SGMS1: variants seen among roughly 807,000 people sequenced by gnomAD.
The protein encoded by SGMS1 is phosphatidylcholine:ceramide cholinephosphotransferase 1.
Under a neutral mutation model 46.2 loss-of-function variants are expected in SGMS1, and 13 were observed. The ratio of observed to expected loss-of-function variants is 0.28; its 90% CI spans 0.18 to 0.45. SGMS1 has a LOEUF of 0.45. SGMS1 is among the 20% of genes least tolerant of loss of function. SGMS1 has a pLI of 1.00. For synonymous variants in SGMS1, 203 were observed against 187.8 expected, an observed-to-expected ratio of 1.08 and a Z score of -0.66; for missense variants, 324 against 519.9, an observed-to-expected ratio of 0.62 and a Z score of 3.66.
At chr10:50,311,598 G>T (rs1162878204) in intron 8 of SGMS1, among the ~76,000 whole-genome samples, 183 bp from the exon 9 acceptor site, 1 of 152,088 alleles carries the variant, frequency 6.6e-6, no homozygotes, top group African/African-American at 2.4e-5. Context: ...GGGGTGGGAT[G>T]GTCCTACAAA....
chr10:50,306,762 AAAGT>A lies in SGMS1; in HGVS notation c.*376_*379del, dbSNP rs1362774323. The stretch of plus-strand genomic sequence containing the variant: ...CCAATCTTTGGGGCAAGAGATATGA[AAAGT>A]ATGTTTTCCCAAGAAAATAATACGC... On this transcript the variant is annotated 3_prime_UTR_variant, in exon 11 of 11. Coordinates refer to ENST00000361781, the MANE Select transcript of SGMS1 (RefSeq NM_147156.4). 3.8e-5 allele frequency: 6 copies of A among 158,170 alleles called. No homozygotes were observed. The highest frequency in any genetic ancestry group is 1.4e-4 in the African/African-American group (6 of 41,836). 9.8% of individuals were successfully genotyped at this position (158,170 alleles called of 1,614,324 possible). A position where few individuals can be genotyped will look rare whatever the true frequency, so the allele number is the denominator to read the frequency against.
chr10:50,621,197 A>AG (rs1232701165), intron 1 of SGMS1, among the ~76,000 whole-genome samples: 1 of 152,106 alleles, frequency 6.6e-6, no homozygotes, highest in Admixed American at 6.5e-5. Context: ...CAAACAAAAA[A>AG]AAACTGATGG....
In SGMS1 at chr10:50,322,817, C is replaced by G. The variant is rs573910791; in HGVS notation, c.741+4388G>C. ...ACTGCAGTCCGCAGTCCGGCCTGGG[C>G]GACAGAGCGAGACTCCGTCTCAAAA... On this transcript the variant is annotated intron_variant, in intron 8 of 10. Coordinates refer to ENST00000361781, the MANE Select transcript of SGMS1 (RefSeq NM_147156.4). Among the ~76,000 whole-genome samples the G allele has an allele frequency of 4.1e-5, 5 of 120,894 alleles. No homozygotes were observed. The East Asian group carries it at 7.8e-4, about 19-fold the overall frequency. 79.3% of individuals were successfully genotyped at this position (120,894 alleles called of 152,430 possible).
intron 6 of SGMS1, among the ~76,000 whole-genome samples, chr10:50,368,198 G>A (rs1848379182): frequency 6.6e-6 from 1 of 152,120 alleles, no homozygotes; most frequent in African/African-American, 2.4e-5. Flanking sequence ...CAAACATACT[G>A]CATATCTAAG....
chr10:50,443,371 T>TAAC (rs1191100619), intron 5 of SGMS1, among the ~76,000 whole-genome samples: 2 of 150,838 alleles, frequency 1.3e-5, no homozygotes, highest in Non-Finnish European at 3.0e-5. Context: ...AAACCAAAAA[T>TAAC]AACAACAACA....
At chr10:50,591,110 T>G (rs528618490) in intron 1 of SGMS1, among the ~76,000 whole-genome samples, 1 of 152,302 alleles carries the variant, frequency 6.6e-6, no homozygotes, top group African/African-American at 2.4e-5. Context: ...GGCCTGAAAG[T>G]CATACTCCTG....
intron 5 of SGMS1, among the ~76,000 whole-genome samples, chr10:50,437,991 G>A (rs2133629312): frequency 6.6e-6 from 1 of 152,212 alleles, no homozygotes; most frequent in East Asian, 1.9e-4. Flanking sequence ...CAGTAGAGAA[G>A]AGGAGGAAAA....
In SGMS1 at chr10:50,570,780, T is replaced by A. The variant is rs552949032; in HGVS notation, c.-589+19373A>T. Among the ~76,000 whole-genome samples, 11 of 152,180 alleles carry A rather than the reference T, an allele frequency of 7.2e-5. No homozygotes were observed. The South Asian group carries it at 1.0e-3, about 14-fold the overall frequency. ...AGATCCTATTTCTACAAAAACTTTT[T>A]AAAAAACATTAGCCAGGCATGGTGG... is the stretch of plus-strand genomic sequence containing the variant. On this transcript the variant is annotated intron_variant, in intron 2 of 10. Coordinates refer to ENST00000361781, the MANE Select transcript of SGMS1 (RefSeq NM_147156.4).
intron 2 of SGMS1, among the ~76,000 whole-genome samples, chr10:50,548,899 A>AC (rs1271153354): frequency 6.6e-6 from 1 of 152,084 alleles, no homozygotes; most frequent in African/African-American, 2.4e-5. Context: ...ACATGGGCAG[A>AC]CAATTCTCAA....
chr10:50,386,470 C>T (rs1479050622), intron 6 of SGMS1, among the ~76,000 whole-genome samples: 1 of 152,174 alleles, frequency 6.6e-6, no homozygotes, highest in African/African-American at 2.4e-5. Context: ...AGCTCTTCAG[C>T]GTCCACACCT....
intron 3 of SGMS1, among the ~76,000 whole-genome samples, chr10:50,468,974 T>C (rs1016287690): frequency 6.6e-6 from 1 of 152,184 alleles, no homozygotes; most frequent in East Asian, 1.9e-4. Context: ...TGTGTGTGTG[T>C]TGGGTAAAGG....
chr10:50,443,554 A>C (rs370467456), intron 5 of SGMS1, among the ~76,000 whole-genome samples: 1 of 152,240 alleles, frequency 6.6e-6, no homozygotes, highest in East Asian at 1.9e-4. Flanking sequence ...ACAACAAAAA[A>C]ATCTTTTAAA....
chr10:50,584,498 C>CAAAAAAAAAAAAAAAA (rs751224205), intron 2 of SGMS1, among the ~76,000 whole-genome samples: 1 of 69,558 alleles, frequency 1.4e-5, no homozygotes, highest in Non-Finnish European at 2.8e-5. Context: ...GACTCCATCT[C>CAAAAAAAAAAAAAAAA]AAAAAAAAAA....
intron 6 of SGMS1, among the ~76,000 whole-genome samples, chr10:50,359,665 ACAATCATTC>A (rs1015120097): frequency 1.4e-5 from 2 of 147,516 alleles, no homozygotes; most frequent in African/African-American, 5.0e-5. Flanking sequence ...AGAAATCTAA[ACAATCATTC>A]ATTATGGCAA....
chr10:50,423,361 C>G (rs1849279964), intron 6 of SGMS1, among the ~76,000 whole-genome samples: 1 of 152,186 alleles, frequency 6.6e-6, no homozygotes, highest in Non-Finnish European at 1.5e-5. Flanking sequence ...TTAAAAATTG[C>G]CAGAAAAACT....
intron 6 of SGMS1, among the ~76,000 whole-genome samples, chr10:50,389,773 C>G (rs576527713): frequency 6.6e-6 from 1 of 152,186 alleles, no homozygotes; most frequent in South Asian, 2.1e-4. Flanking sequence ...CAACAAGTCC[C>G]AAATCTCATT....
intron 2 of SGMS1, among the ~76,000 whole-genome samples, chr10:50,585,969 T>G (rs923829090): frequency 2.0e-5 from 3 of 152,176 alleles, no homozygotes; most frequent in African/African-American, 7.2e-5. Flanking sequence ...GGCAAACTTT[T>G]TTGTAAAGGG....
At chr10:50,420,726 G>A (rs1310029924) in intron 6 of SGMS1, among the ~76,000 whole-genome samples, 1 of 152,160 alleles carries the variant, frequency 6.6e-6, no homozygotes, top group Non-Finnish European at 1.5e-5. Context: ...ACTACATAAA[G>A]CTTAAGTGTA....
At chr10:50,511,759 A>G (rs1837757470) in intron 3 of SGMS1, among the ~76,000 whole-genome samples, 1 of 152,164 alleles carries the variant, frequency 6.6e-6, no homozygotes, top group African/African-American at 2.4e-5. Flanking sequence ...ACAGTAATCC[A>G]TCACTGGCTT....
Sources: gnomAD v4.1 joint callset for allele counts (sites outside exome capture counted in the v4.1 genomes callset) on GRCh38, gnomAD v4.1.1 for gene constraint, MANE v1.5 for transcripts, NCBI Gene and HGNC (gene_info 2026-07-23, HGNC 2026-07-21) for gene names.